WAPL: variants seen among roughly 807,000 people sequenced by gnomAD.
WAPL encodes the protein WAPL cohesin release factor.
In WAPL, 5 loss-of-function variants were observed where a neutral mutation model predicts 121.0. That is an observed-to-expected ratio of 0.04 (90% CI 0.02 to 0.09). The LOEUF (loss-of-function observed/expected upper bound fraction) is 0.09. WAPL is among the 10% of genes least tolerant of loss of function. The pLI, the probability that WAPL is intolerant of heterozygous loss-of-function variation, is 1.00. For synonymous variants in WAPL, 480 were observed against 481.5 expected, an observed-to-expected ratio of 1.00 and a Z score of 0.04; for missense variants, 999 against 1,410.8, an observed-to-expected ratio of 0.71 and a Z score of 4.68.
At chr10:86,460,526 TATTTA>T in intron 10 of WAPL, 30 bp from the exon 11 acceptor site, 2 of 1,569,436 alleles carry the variant, frequency 1.3e-6, no homozygotes, top group Non-Finnish European at 1.8e-6. Flanking sequence ...CGTAAGTTAG[TATTTA>T]TCATCGATAC....
chr10:86,513,580 G>A (rs1426563990), intron 2 of WAPL, among the ~76,000 whole-genome samples: 1 of 152,098 alleles, frequency 6.6e-6, no homozygotes, highest in African/African-American at 2.4e-5. Context: ...CCCCCAAAGT[G>A]CTGGGATGAC....
chr10:86,517,540 T>C (rs781290102), intron 2 of WAPL, 31 bp downstream of exon 2: 32 of 1,569,924 alleles, frequency 2.0e-5, no homozygotes, highest in Non-Finnish European at 2.6e-5. Flanking sequence ...CAAAGCTCTC[T>C]TGGCGGAGAA....
intron 4 of WAPL, among the ~76,000 whole-genome samples, chr10:86,480,721 G>T (rs972817061): frequency 2.6e-5 from 4 of 152,220 alleles, no homozygotes; most frequent in Non-Finnish European, 5.9e-5. Flanking sequence ...TGCTCACATA[G>T]ATTTCTCAAC....
chr10:86,462,326 G>T lies in WAPL; in HGVS notation c.2371-1039C>A, dbSNP rs528367204. On this transcript the variant is annotated intron_variant, in intron 9 of 18. Transcript: ENST00000298767. ...CTATTTGAAAAATGCACATAAATTA[G>T]ATATTTAGAAATACAAATAACAGAT... Among the ~76,000 whole-genome samples, 20 of 152,202 alleles carry T rather than the reference G, an allele frequency of 1.3e-4. No individual in the cohort carries two copies. In the South Asian group the frequency reaches 4.1e-3, roughly 32 times the overall value.
intron 4 of WAPL, among the ~76,000 whole-genome samples, chr10:86,484,830 T>C (rs1318340872): frequency 2.0e-5 from 3 of 151,888 alleles, no homozygotes; most frequent in Non-Finnish European, 4.4e-5. Context: ...CTATACCATA[T>C]AGCCTAGGTG....
chr10:86,455,561 C>T (rs1226929307), intron 12 of WAPL, among the ~76,000 whole-genome samples: 7 of 151,836 alleles, frequency 4.6e-5, no homozygotes, highest in Non-Finnish European at 7.4e-5. Context: ...GCAGGGTCCT[C>T]TGCCTAGGAA....
intron 4 of WAPL, among the ~76,000 whole-genome samples, chr10:86,476,658 CAGCCTGGGCGACAA>C (rs1192888038): frequency 6.6e-6 from 1 of 150,436 alleles, no homozygotes; most frequent in African/African-American, 2.5e-5. Context: ...CACTGCACTC[CAGCCTGGGCGACAA>C]AGCGAGACTG....
chr10:86,443,037 C>T (rs1460842639), intron 17 of WAPL, among the ~76,000 whole-genome samples: 5 of 82,786 alleles, frequency 6.0e-5, no homozygotes, highest in Admixed American at 2.3e-4. Context: ...AACGAGACTC[C>T]GCCTCAAAAA....
intron 2 of WAPL, among the ~76,000 whole-genome samples, chr10:86,505,189 A>G (rs1243651695): frequency 9.9e-5 from 3 of 30,256 alleles, no homozygotes; most frequent in Non-Finnish European, 3.1e-4. Flanking sequence ...GGATTTTTTT[A>G]TGTTTTTTTT....
At chr10:86,455,421 C>A (rs540067168) in intron 12 of WAPL, among the ~76,000 whole-genome samples, 1 of 152,164 alleles carries the variant, frequency 6.6e-6, no homozygotes, top group African/African-American at 2.4e-5. Flanking sequence ...TGTGTCCACT[C>A]AGGGTTAAAT....
intron 2 of WAPL, among the ~76,000 whole-genome samples, chr10:86,502,985 CTG>C (rs1433405419): frequency 2.0e-5 from 3 of 151,706 alleles, no homozygotes; most frequent in Non-Finnish European, 4.4e-5. Context: ...TGGTGAAACC[CTG>C]TCTCTACTAA....
chr10:86,508,725 T>C (rs1437478385), intron 2 of WAPL, among the ~76,000 whole-genome samples: 3 of 151,372 alleles, frequency 2.0e-5, no homozygotes, highest in African/African-American at 7.3e-5. Flanking sequence ...TCTAGTTTCT[T>C]CCTCTTCTCC....
chr10:86,486,962 C>CA (rs957605791), intron 4 of WAPL, among the ~76,000 whole-genome samples: 13 of 151,426 alleles, frequency 8.6e-5, no homozygotes, highest in South Asian at 4.2e-4. Context: ...GTCTCAACAA[C>CA]AAAAAAAGAA....
intron 15 of WAPL, among the ~76,000 whole-genome samples, chr10:86,450,587 G>A (rs17106732): frequency 0.032 from 4,857 of 152,196 alleles, 207 homozygotes; most frequent in Admixed American, 0.12. Context: ...GGATCAAAGC[G>A]GTAGGTGCCA....
rs376030875 is a variant in WAPL at position 86,485,638 on chromosome 10, G to T, written c.1644+11563C>A. Among the ~76,000 whole-genome samples, 100 of 152,224 alleles carry T rather than the reference G, an allele frequency of 6.6e-4. 1 individual carries two copies. The South Asian group carries it at 0.02, about 30-fold the overall frequency. ...AAGCACAAGAATTGGATCACAGAGA[G>T]AAAATAATTTACATTTTCCTAAGCC... On this transcript the variant is annotated intron_variant, in intron 4 of 18. Transcript: ENST00000298767.
chr10:86,447,125 T>A (rs1849642820), intron 15 of WAPL, among the ~76,000 whole-genome samples: 1 of 152,252 alleles, frequency 6.6e-6, no homozygotes, highest in African/African-American at 2.4e-5. Context: ...CTGACTTGTT[T>A]CTTCTTTCAC....
Position 86,463,472 on chromosome 10 carries a change from C to CGT in WAPL, c.2371-2187_2371-2186dup, listed in dbSNP as rs199810370. On this transcript the variant is annotated intron_variant, in intron 9 of 18. Coordinates refer to ENST00000298767, the MANE Select transcript of WAPL (RefSeq NM_015045.5). ...TTGACCCTGTGTGGACCTTGGTTAA[C>CGT]GTGTGTGTGTCGCCTTCATTTTTAA... Among the ~76,000 whole-genome samples the CGT allele has an allele frequency of 5.6e-3, 855 of 152,266 alleles. 7 individuals are homozygous for CGT. Among genetic ancestry groups the CGT allele is most frequent in the African/African-American group, 0.019 (787 of 41,536 alleles).
Position 86,497,326 on chromosome 10 carries a change from T to C in WAPL, c.1526-7A>G, listed in dbSNP as rs1191007960. On this transcript the variant is annotated splice_polypyrimidine_tract_variant and splice_region_variant and intron_variant, in intron 3 of 18. Coordinates refer to ENST00000298767, the MANE Select transcript of WAPL (RefSeq NM_015045.5). ...TCTGTAAAATCCAAGTTTTCTGAAA[T>C]GGTAATCAAAACTATCTAGCTTACT... is the stretch of plus-strand genomic sequence containing the variant. 5.0e-6 allele frequency: 8 copies of C among 1,598,894 alleles called. No individual in the cohort carries two copies. The highest frequency in any genetic ancestry group is 8.5e-7 in the Non-Finnish European group (1 of 1,171,136).
At position 86,508,852 on chromosome 10, in the gene WAPL, T is replaced by C. The variant is rs1351948466; in HGVS notation, c.500-8109A>G. ...TCACTGCAAGCTCCGCCTCCAGAGT[T>C]CACGCCATTCTCCTGCCTCAGCCTC... is the stretch of plus-strand genomic sequence containing the variant. On this transcript the variant is annotated intron_variant, in intron 2 of 18. Coordinates refer to ENST00000298767, the MANE Select transcript of WAPL (RefSeq NM_015045.5). Among the ~76,000 whole-genome samples the C allele has an allele frequency of 2.1e-4, 32 of 150,928 alleles. 1 individual carries two copies. Among genetic ancestry groups the C allele is most frequent in the Non-Finnish European group, 1.5e-5 (1 of 67,906 alleles).
Sources: allele counts gnomAD v4.1 joint callset (sites outside exome capture counted in the v4.1 genomes callset), GRCh38; gene constraint gnomAD v4.1.1; transcripts MANE v1.5; gene names NCBI Gene and HGNC (gene_info 2026-07-23, HGNC 2026-07-21).